Variants in CELF4 observed in about 807,000 individuals in gnomAD.
CELF4 encodes CUGBP Elav-like family member 4.
CELF4 carries 18 observed loss-of-function variants against 59.9 expected under a neutral mutation model. The ratio of observed to expected loss-of-function variants is 0.30; its 90% CI spans 0.21 to 0.45. The LOEUF (loss-of-function observed/expected upper bound fraction) is 0.45, where lower values mean the gene tolerates loss of function less well. Ranked by LOEUF, CELF4 falls within the 20% of genes least tolerant of loss-of-function variation. The pLI, the probability that CELF4 is intolerant of heterozygous loss-of-function variation, is 1.00. For missense variants in CELF4, 456 were observed against 689.0 expected (o/e 0.66, Z 3.79); for synonymous variants, 261 against 267.1 (o/e 0.98, Z 0.22).
chr18:37,516,831 C>T (rs1203416588), intron 1 of CELF4, among the ~76,000 whole-genome samples: 8 of 152,222 alleles, frequency 5.3e-5, no homozygotes, highest in Admixed American at 4.6e-4. Context: ...AACAACTGCG[C>T]TCCTTAGCTG....
chr18:37,297,827 A>G (rs1184195653), intron 3 of CELF4, among the ~76,000 whole-genome samples: 1 of 152,210 alleles, frequency 6.6e-6, no homozygotes, highest in Non-Finnish European at 1.5e-5. Context: ...CGCTCGTTGT[A>G]ATCTCTGTGA....
intron 12 of CELF4, among the ~76,000 whole-genome samples, chr18:37,248,899 C>G (rs1252579268): frequency 6.7e-6 from 1 of 150,356 alleles, no homozygotes; most frequent in Non-Finnish European, 1.5e-5. Flanking sequence ...GCTTTCCAGT[C>G]CACAGGCTTC....
At chr18:37,477,060 A>G (rs1400263124) in intron 2 of CELF4, among the ~76,000 whole-genome samples, 1 of 152,238 alleles carries the variant, frequency 6.6e-6, no homozygotes, top group Non-Finnish European at 1.5e-5. Flanking sequence ...AGATGCCAGA[A>G]TGATCTGTTG....
intron 2 of CELF4, among the ~76,000 whole-genome samples, chr18:37,395,930 AGCCACACCT>A (rs2099239566): frequency 6.6e-6 from 1 of 152,122 alleles, no homozygotes; most frequent in African/African-American, 2.4e-5. Context: ...CCGTGCTCTA[AGCCACACCT>A]GCTCTCTTCT....
intron 10 of CELF4, among the ~76,000 whole-genome samples, chr18:37,262,190 GC>G (rs1380873364): frequency 6.6e-6 from 1 of 152,202 alleles, no homozygotes; most frequent in African/African-American, 2.4e-5. Flanking sequence ...CACTCCCAGT[GC>G]CGCGCTCTCA....
intron 1 of CELF4, among the ~76,000 whole-genome samples, chr18:37,503,884 C>T (rs910711097): frequency 1.3e-5 from 2 of 152,158 alleles, no homozygotes; most frequent in East Asian, 1.9e-4. Context: ...CTCTCCTTTT[C>T]CTTCCCTGAC....
intron 1 of CELF4, among the ~76,000 whole-genome samples, chr18:37,513,506 G>A (rs2099946887): frequency 1.3e-5 from 2 of 152,204 alleles, no homozygotes; most frequent in South Asian, 2.1e-4. Context: ...AAAGAGAAAG[G>A]CATGGAGAGC....
chr18:37,560,672 A>T (rs992330588), intron 1 of CELF4, among the ~76,000 whole-genome samples: 15 of 152,254 alleles, frequency 9.9e-5, no homozygotes, highest in East Asian at 1.9e-4. Context: ...CAAAGTAATT[A>T]AAAAAAAGTT....
At chr18:37,531,050 G>T (rs1569569773) in intron 1 of CELF4, among the ~76,000 whole-genome samples, 1 of 152,066 alleles carries the variant, frequency 6.6e-6, no homozygotes, top group Non-Finnish European at 1.5e-5. Flanking sequence ...TGGGGTGGGG[G>T]TCACCCGTGG....
In CELF4 at chr18:37,246,480, C is replaced by G. The variant is rs1022140977; in HGVS notation, c.*45-1283G>C. On this transcript the variant is annotated intron_variant, in intron 12 of 12. Transcript: ENST00000420428. The surrounding 1 kb of genome is among the most constrained non-coding windows in gnomAD (Gnocchi z 5.3). ...AGAAGTGGTTACAATACAAACCTTA[C>G]AATTGTTACCGGGCTCTCTTGCAGA... 3.3e-5 allele frequency among the ~76,000 whole-genome samples: 5 copies of G among 151,610 alleles called. No individual in the cohort carries two copies. The highest frequency in any genetic ancestry group is 9.7e-5 in the African/African-American group (4 of 41,278).
At chr18:37,267,986 G>A (rs2078517165) in intron 8 of CELF4, among the ~76,000 whole-genome samples, 1 of 152,170 alleles carries the variant, frequency 6.6e-6, no homozygotes, top group African/African-American at 2.4e-5. Context: ...GCAGTGAACT[G>A]AGATCATGCC....
intron 2 of CELF4, among the ~76,000 whole-genome samples, chr18:37,447,097 A>T (rs1283666795): frequency 6.6e-6 from 1 of 152,198 alleles, no homozygotes; most frequent in African/African-American, 2.4e-5. Flanking sequence ...GAATAAGAAA[A>T]GAAAAAAAAA....
intron 2 of CELF4, among the ~76,000 whole-genome samples, chr18:37,433,414 T>C (rs772125815): frequency 6.6e-6 from 1 of 152,126 alleles, no homozygotes; most frequent in Non-Finnish European, 1.5e-5. Flanking sequence ...ATTCTTTTAT[T>C]GTACATTTTT....
chr18:37,393,916 A>G (rs1420240614), intron 2 of CELF4, among the ~76,000 whole-genome samples: 1 of 84,640 alleles, frequency 1.2e-5, no homozygotes, highest in Non-Finnish European at 2.5e-5. Flanking sequence ...AGGCTAAGGG[A>G]AAAAAAAAAA....
At chr18:37,562,123 C>G (rs1286952515) in intron 1 of CELF4, among the ~76,000 whole-genome samples, 1 of 152,146 alleles carries the variant, frequency 6.6e-6, no homozygotes, top group Non-Finnish European at 1.5e-5. Context: ...CTGCTCTTTG[C>G]TGCCTCCCCA....
chr18:37,277,146 C>A (rs2093425328), intron 3 of CELF4, among the ~76,000 whole-genome samples: 1 of 152,234 alleles, frequency 6.6e-6, no homozygotes, highest in Non-Finnish European at 1.5e-5. Flanking sequence ...TGGTACTCCT[C>A]AGTCCAGACG....
intron 2 of CELF4, among the ~76,000 whole-genome samples, chr18:37,337,146 C>G (rs2097796914): frequency 6.6e-6 from 1 of 151,342 alleles, no homozygotes; most frequent in Admixed American, 6.6e-5. Flanking sequence ...TGGTCAGAAA[C>G]AGGCCTGCGG....
At chr18:37,553,183 A>T (rs1380134922) in intron 1 of CELF4, among the ~76,000 whole-genome samples, 1 of 152,240 alleles carries the variant, frequency 6.6e-6, no homozygotes, top group Non-Finnish European at 1.5e-5. Context: ...TTTTTCAATA[A>T]AAAGATTTTT....
chr18:37,384,947 C>A (rs2099082653), intron 2 of CELF4, among the ~76,000 whole-genome samples: 1 of 152,198 alleles, frequency 6.6e-6, no homozygotes, highest in African/African-American at 2.4e-5. Flanking sequence ...AACCATACGT[C>A]TCTGATTTGC....
Sources: allele counts gnomAD v4.1 joint callset (sites outside exome capture counted in the v4.1 genomes callset), GRCh38; gene constraint gnomAD v4.1.1; non-coding constraint Gnocchi (gnomAD v3.1); transcripts MANE v1.5; gene names NCBI Gene and HGNC (gene_info 2026-07-23, HGNC 2026-07-21).